The following CPQ variants were observed in gnomAD, a reference collection of about 807,000 sequenced individuals.
CPQ encodes carboxypeptidase Q, also known as Ser-Met dipeptidase.
Under a neutral mutation model 45.7 loss-of-function variants are expected in CPQ, and 37 were observed. The ratio of observed to expected loss-of-function variants is 0.81; its 90% confidence interval spans 0.62 to 1.07. The LOEUF is 1.07. CPQ is among the 50% of genes least tolerant of loss of function. The probability of loss-of-function intolerance (pLI) is 0.00; values close to 1 mark genes in which losing one functional copy is unlikely to be tolerated. For synonymous variants in CPQ, 186 were observed against 205.8 expected (o/e 0.90, Z 0.82); for missense variants, 537 against 572.9 (o/e 0.94, Z 0.64).
At chr8:96,690,525 T>C (rs1809291920) in intron 1 of CPQ, among the ~76,000 whole-genome samples, 1 of 152,212 alleles carries the variant, frequency 6.6e-6, no homozygotes, top group Admixed American at 6.5e-5. Flanking sequence ...AGGAAATCTA[T>C]TGCCAAGTTA....
intron 6 of CPQ, among the ~76,000 whole-genome samples, chr8:97,048,993 T>C (rs938558881): frequency 3.3e-5 from 5 of 152,242 alleles, no homozygotes; most frequent in Non-Finnish European, 7.3e-5. Context: ...ACAAAGCTGC[T>C]ACCTTCAATT....
At chr8:97,083,418 C>CA (rs1235481815) in intron 7 of CPQ, among the ~76,000 whole-genome samples, 2 of 152,052 alleles carry the variant, frequency 1.3e-5, no homozygotes, top group African/African-American at 2.4e-5. Context: ...TTTGTGGTTA[C>CA]AAAAAAGAGT....
intron 4 of CPQ, among the ~76,000 whole-genome samples, chr8:96,942,966 A>C (rs1054391180): frequency 6.6e-6 from 1 of 152,148 alleles, no homozygotes; most frequent in Admixed American, 6.5e-5. Flanking sequence ...CATTCCTATG[A>C]TGTACTTATA....
intron 7 of CPQ, among the ~76,000 whole-genome samples, chr8:97,077,161 A>G (rs1810861035): frequency 6.6e-6 from 1 of 152,194 alleles, no homozygotes; most frequent in African/African-American, 2.4e-5. Flanking sequence ...AAGCAATTCA[A>G]CTTTTTCTTG....
chr8:97,040,622 A>G (rs967908431), intron 6 of CPQ, among the ~76,000 whole-genome samples: 1 of 152,212 alleles, frequency 6.6e-6, no homozygotes, highest in Non-Finnish European at 1.5e-5. Context: ...TTTAGTTCTA[A>G]CGTTTAAGTC....
At chr8:96,686,780 T>A (rs1357600844) in intron 1 of CPQ, among the ~76,000 whole-genome samples, 1 of 152,158 alleles carries the variant, frequency 6.6e-6, no homozygotes, top group Non-Finnish European at 1.5e-5. Context: ...TTCTTAAAAA[T>A]TTGTCAGTAT....
At chr8:97,044,900 G>A (rs1368429938) in intron 6 of CPQ, among the ~76,000 whole-genome samples, 3 of 152,204 alleles carry the variant, frequency 2.0e-5, no homozygotes, top group Non-Finnish European at 2.9e-5. Flanking sequence ...CCCTACTGGG[G>A]GGTGCCTCCC....
At chr8:96,808,880 T>C (rs898710586) in intron 2 of CPQ, among the ~76,000 whole-genome samples, 11 of 152,186 alleles carry the variant, frequency 7.2e-5, no homozygotes, top group Admixed American at 1.3e-4. Context: ...ATCAGACAGA[T>C]GGCATATGCA....
intron 2 of CPQ, among the ~76,000 whole-genome samples, chr8:96,817,192 G>C (rs566681014): frequency 6.6e-6 from 1 of 152,152 alleles, no homozygotes; most frequent in African/African-American, 2.4e-5. Flanking sequence ...GTCTTAACTG[G>C]GTTTTCTGGA....
chr8:96,808,453 A>G (rs1251360143), intron 2 of CPQ, among the ~76,000 whole-genome samples: 1 of 152,058 alleles, frequency 6.6e-6, no homozygotes, highest in Non-Finnish European at 1.5e-5. Context: ...CCTCTCAAAG[A>G]TGGAGGCTTC....
At chr8:96,853,786 A>G (rs1811804380) in intron 3 of CPQ, among the ~76,000 whole-genome samples, 1 of 152,320 alleles carries the variant, frequency 6.6e-6, no homozygotes, top group Admixed American at 6.5e-5. Flanking sequence ...TACACTCCAC[A>G]TACTTTTATC....
intron 6 of CPQ, among the ~76,000 whole-genome samples, chr8:97,043,582 C>A (rs187296605): frequency 6.6e-6 from 1 of 152,240 alleles, no homozygotes; most frequent in East Asian, 1.9e-4. Flanking sequence ...TTCCTAGCCT[C>A]GATGGTCTTT....
Position 96,885,896 on chromosome 8 carries a change from G to A in CPQ, c.849+5891G>A, listed in dbSNP as rs1222996879. 2.6e-5 allele frequency among the ~76,000 whole-genome samples: 4 copies of A among 152,076 alleles called. No homozygotes were observed. In the East Asian group the frequency reaches 5.8e-4, roughly 22 times the overall value. On this transcript the variant is annotated intron_variant, in intron 4 of 7. Transcript: ENST00000220763. ...AGCCCCAGCTACTGGAGAGGCTGAG[G>A]CAGAAGAATGGCATGAACCTGGGAG... is the stretch of plus-strand genomic sequence containing the variant.
In CPQ at chr8:97,066,111, G is replaced by A; in HGVS notation, c.1156G>A (p.Glu386Lys). ...CAGTGAAAAGGCCAGGGCCATCATGGAGGAGGTTATGAGCCTGCTGCAGCC... is the reference window on the plus strand; with the variant it reads ...CAGTGAAAAGGCCAGGGCCATCATGAAGGAGGTTATGAGCCTGCTGCAGCC... ...TGSEKARAIM[E>K]EVMSLLQPLN... is the part of the protein sequence containing the mutation. Residue 386 changes from glutamate to lysine, a missense_variant, in exon 7 of 8, where the codon GAG becomes AAG. By Grantham distance (56) the Glu-to-Lys change is moderately conservative (BLOSUM62 1). Coordinates refer to ENST00000220763, the MANE Select transcript of CPQ (RefSeq NM_016134.4). 1 of 1,612,604 alleles carries A rather than the reference G, an allele frequency of 6.2e-7. No individual in the cohort carries two copies.
At chr8:96,719,457 C>A (rs34031465) in intron 1 of CPQ, among the ~76,000 whole-genome samples, 1 of 152,198 alleles carries the variant, frequency 6.6e-6, no homozygotes, top group Admixed American at 6.5e-5. Flanking sequence ...GGTTGCCACT[C>A]GCGCCTCTCC....
chr8:96,942,722 G>A (rs1032508548), intron 4 of CPQ, among the ~76,000 whole-genome samples: 2 of 152,084 alleles, frequency 1.3e-5, no homozygotes, highest in Non-Finnish European at 2.9e-5. Context: ...ACAAAAACAT[G>A]TAGATTCCTG....
At chr8:96,779,262 A>G (rs1810655951) in intron 1 of CPQ, among the ~76,000 whole-genome samples, 1 of 148,628 alleles carries the variant, frequency 6.7e-6, no homozygotes, top group Non-Finnish European at 1.5e-5. Context: ...TTCAGATGTT[A>G]TGTCTTCTCT....
At chr8:96,735,660 T>A (rs894556262) in intron 1 of CPQ, among the ~76,000 whole-genome samples, 5 of 152,204 alleles carry the variant, frequency 3.3e-5, no homozygotes, top group African/African-American at 1.2e-4. Flanking sequence ...GTATTCCTTC[T>A]AGTGGGTCAT....
chr8:96,652,784 C>T (rs1815591994), intron 1 of CPQ, among the ~76,000 whole-genome samples: 1 of 152,186 alleles, frequency 6.6e-6, no homozygotes, highest in South Asian at 2.1e-4. Flanking sequence ...CGGCGCCCGC[C>T]ACCATGCCCG....
Sources: gnomAD v4.1 joint callset for allele counts (sites outside exome capture counted in the v4.1 genomes callset) on GRCh38, gnomAD v4.1.1 for gene constraint, MANE v1.5 for transcripts, NCBI Gene and HGNC (gene_info 2026-07-23, HGNC 2026-07-21) for gene names.